Variants in TMEM184C observed in about 807,000 individuals in gnomAD.
TMEM184C encodes transmembrane protein 184C, also known as transmembrane protein 34.
A neutral mutation model predicts 54.5 loss-of-function variants in TMEM184C; 25 were observed. The observed-to-expected ratio is 0.46, with a 90% CI of 0.33 to 0.64. The LOEUF is 0.64. TMEM184C is among the 30% of genes least tolerant of loss of function. TMEM184C has a pLI of 0.02. For synonymous variants in TMEM184C, 148 were observed against 181.5 expected, an observed-to-expected ratio of 0.82 and a Z score of 1.49; for missense variants, 335 against 520.3, an observed-to-expected ratio of 0.64 and a Z score of 3.46.
At chr4:147,633,650 GAAAAAACACA>G in intron 8 of TMEM184C, 105 bp from the exon 9 acceptor site, 1 of 891,850 alleles carries the variant, frequency 1.1e-6, no homozygotes, top group Non-Finnish European at 1.5e-6. Flanking sequence ...AATCTGAGAA[GAAAAAACACA>G]GCTGTTTATC....
At chr4:147,630,164 G>A (rs1034907879) in intron 6 of TMEM184C, among the ~76,000 whole-genome samples, 1 of 151,990 alleles carries the variant, frequency 6.6e-6, no homozygotes, top group African/African-American at 2.4e-5. Flanking sequence ...AGAATGCCAA[G>A]TTTAAAAAAA....
Position 147,634,546 on chromosome 4 carries a change from A to G in TMEM184C, c.*112A>G. 7.9e-7 allele frequency: 1 copy of G among 1,272,098 alleles called. No homozygotes were observed. 78.8% of individuals were successfully genotyped at this position (1,272,098 alleles called of 1,614,324 possible). A position where few individuals can be genotyped will look rare whatever the true frequency, so the allele number is the denominator to read the frequency against. The stretch of plus-strand genomic sequence containing the variant: ...TGATGGAAAATGTCAACACAAAAAT[A>G]GCTGAAAGCCAGGTACAACTACTGC... On this transcript the variant is annotated 3_prime_UTR_variant, in exon 10 of 10. Coordinates refer to ENST00000296582, the MANE Select transcript of TMEM184C (RefSeq NM_018241.3).
intron 3 of TMEM184C, among the ~76,000 whole-genome samples, chr4:147,624,544 T>C (rs902275342): frequency 6.6e-6 from 1 of 152,198 alleles, no homozygotes; most frequent in African/African-American, 2.4e-5. Context: ...ACACAAGTAC[T>C]TACTTTAGCT....
At chr4:147,625,687 GA>G (rs1732802055) in intron 4 of TMEM184C, among the ~76,000 whole-genome samples, 1 of 152,148 alleles carries the variant, frequency 6.6e-6, no homozygotes, top group Non-Finnish European at 1.5e-5. Flanking sequence ...TGAAAAGGGG[GA>G]TGAGATTGGA....
chr4:147,628,915 A>C (rs540310103), intron 5 of TMEM184C, among the ~76,000 whole-genome samples: 2 of 152,188 alleles, frequency 1.3e-5, no homozygotes, highest in South Asian at 4.1e-4. Context: ...CTATTCCCTA[A>C]AAATTCAAGA....
rs775730392 is a variant in TMEM184C at position 147,617,899 on chromosome 4, C to T, written c.-58C>T. ...AAAACAGCCAGAGAACAGGGCTCCCCATTACAATCTTTTCGAGATCTTTTC... is the reference window on the plus strand; with the variant it reads ...AAAACAGCCAGAGAACAGGGCTCCCTATTACAATCTTTTCGAGATCTTTTC... On this transcript the variant is annotated 5_prime_UTR_variant, in exon 1 of 10. Coordinates refer to ENST00000296582, the MANE Select transcript of TMEM184C (RefSeq NM_018241.3). The T allele has an allele frequency of 5.6e-6, 9 of 1,609,016 alleles. No homozygotes were observed. Among genetic ancestry groups the T allele is most frequent in the Non-Finnish European group, 7.6e-6 (9 of 1,177,202 alleles).
intron 1 of TMEM184C, among the ~76,000 whole-genome samples, chr4:147,622,015 C>T (rs1368249579): frequency 3.6e-5 from 5 of 138,224 alleles, no homozygotes; most frequent in Admixed American, 2.3e-4. Flanking sequence ...GCCAGGGTCT[C>T]GCTCTGTCAC....
intron 1 of TMEM184C, among the ~76,000 whole-genome samples, chr4:147,618,891 C>T (rs1324437471): frequency 6.6e-6 from 1 of 152,174 alleles, no homozygotes; most frequent in African/African-American, 2.4e-5. Context: ...GTTTATGAGA[C>T]GGAGTTTTGC....
intron 8 of TMEM184C, 48 bp from the exon 9 acceptor site, chr4:147,633,717 C>A: frequency 1.4e-6 from 2 of 1,462,796 alleles, no homozygotes; most frequent in Non-Finnish European, 9.1e-7. Flanking sequence ...CTCTACAAAC[C>A]TAGATTTAAA....
intron 6 of TMEM184C, among the ~76,000 whole-genome samples, chr4:147,630,375 C>A: frequency 6.6e-6 from 1 of 151,994 alleles, no homozygotes; most frequent in East Asian, 1.9e-4. Context: ...AAAGTTTTCC[C>A]ACATGTTCAT....
At chr4:147,632,404 A>G (rs930534638) in intron 7 of TMEM184C, 2 of 152,726 alleles carry the variant, frequency 1.3e-5, no homozygotes, top group African/African-American at 4.8e-5. Context: ...GTTCAGTAGT[A>G]TATTGTAGAT....
intron 4 of TMEM184C, among the ~76,000 whole-genome samples, chr4:147,627,757 T>C (rs1317844683): frequency 7.2e-6 from 1 of 139,708 alleles, no homozygotes; most frequent in Admixed American, 7.2e-5. Flanking sequence ...ATTAGCCAGG[T>C]GTGGTGGTAT....
rs745856724 is a variant in TMEM184C, at chr4:147,632,959, C to T, written c.836C>T (p.Thr279Met). The change falls in exon 8 of 10, where the codon ACG becomes ATG. Residue 279 changes from threonine to methionine, a missense_variant. Transcript: ENST00000296582. ...GTTGGCGTTATTTCTGAAAAGCATA[C>T]GTGGGAATGGCAAACTGTAGAAGCT... is the stretch of plus-strand genomic sequence containing the variant. ...VKVGVISEKH[T>M]WEWQTVEAVA... The T allele has an allele frequency of 5.6e-6, 9 of 1,613,796 alleles. No homozygotes were observed. The highest frequency in any genetic ancestry group is 4.0e-5 in the African/African-American group (3 of 74,862).
At chr4:147,626,875 G>C (rs1732824058) in intron 4 of TMEM184C, among the ~76,000 whole-genome samples, 1 of 152,222 alleles carries the variant, frequency 6.6e-6, no homozygotes, top group African/African-American at 2.4e-5. Context: ...AAGGGAGACA[G>C]ATTGTGCTCA....
chr4:147,629,155 G>A (rs1006934125), intron 5 of TMEM184C, among the ~76,000 whole-genome samples: 1 of 151,966 alleles, frequency 6.6e-6, no homozygotes, highest in Non-Finnish European at 1.5e-5. Context: ...CTTACTTGAG[G>A]GGATCTGGGT....
At position 147,617,802 on chromosome 4, in the gene TMEM184C, C is replaced by T. The variant is rs1414854017; in HGVS notation, c.-155C>T. On this transcript the variant is annotated 5_prime_UTR_variant, in exon 1 of 10. Coordinates refer to ENST00000296582, the MANE Select transcript of TMEM184C (RefSeq NM_018241.3). The stretch of plus-strand genomic sequence containing the variant: ...AGCAGCAGCAGCAGAAGACACAGCG[C>T]CGGTCCAGGAGGCGGCTCGAGCTGT... The T allele has an allele frequency of 8.0e-6, 8 of 1,001,174 alleles. No individual in the cohort carries two copies. The highest frequency in any genetic ancestry group is 7.6e-6 in the Non-Finnish European group (5 of 654,268). The allele number at this position is 1,001,174 out of a possible 1,614,324, so 62.0% of individuals were successfully genotyped here.
At chr4:147,628,466 T>C in intron 5 of TMEM184C, 31 bp downstream of exon 5, 1 of 1,580,668 alleles carries the variant, frequency 6.3e-7, no homozygotes, top group Non-Finnish European at 8.7e-7. Flanking sequence ...TGAACTTTTT[T>C]TTTCATCCTT....
chr4:147,628,043 C>T (rs1481628839), intron 4 of TMEM184C, among the ~76,000 whole-genome samples: 1 of 152,166 alleles, frequency 6.6e-6, no homozygotes, highest in Non-Finnish European at 1.5e-5. Context: ...GATATAGTTC[C>T]AGCTACTCAG....
At position 147,631,486 on chromosome 4, in the gene TMEM184C, G is replaced by A. The variant is rs1345415164; in HGVS notation, c.760G>A (p.Val254Met). The change falls in exon 7 of 10, where the codon GTG becomes ATG. Residue 254 changes from valine to methionine, a missense_variant. Physicochemically the swap from Val to Met is conservative, Grantham distance 21 (BLOSUM62 1). Coordinates refer to ENST00000296582, the MANE Select transcript of TMEM184C (RefSeq NM_018241.3). Reference sequence around the variant, plus strand: ...TGGCAAATTTCTTTGTGTAAAGCTGGTGGTTTTTGTTTCTTTTTGGTAAGT... The same window carrying A: ...TGGCAAATTTCTTTGTGTAAAGCTGATGGTTTTTGTTTCTTTTTGGTAAGT... ...PVGKFLCVKL[V>M]VFVSFWQAVV... 6.2e-7 allele frequency: 1 copy of A among 1,606,808 alleles called. No homozygotes were observed. Among genetic ancestry groups the A allele is most frequent in the Non-Finnish European group, 8.5e-7 (1 of 1,178,400 alleles).
Sources: allele counts gnomAD v4.1 joint callset (sites outside exome capture counted in the v4.1 genomes callset), GRCh38; gene constraint gnomAD v4.1.1; transcripts MANE v1.5; gene names NCBI Gene and HGNC (gene_info 2026-07-23, HGNC 2026-07-21).